The following SLC39A11 variants were observed in gnomAD, a reference collection of about 807,000 sequenced individuals.
SLC39A11 encodes the protein zinc transporter ZIP11.
In SLC39A11, 33 loss-of-function variants were observed where a neutral mutation model predicts 36.1. The ratio of observed to expected loss-of-function variants is 0.91; its 90% CI spans 0.69 to 1.22. The LOEUF (loss-of-function observed/expected upper bound fraction) is 1.22. Ranked by LOEUF, SLC39A11 falls within the 50% of genes most tolerant of loss-of-function variation. The pLI, the probability that SLC39A11 is intolerant of heterozygous loss-of-function variation, is 0.00. For synonymous variants in SLC39A11, 166 were observed against 170.3 expected (o/e 0.97, Z 0.20); for missense variants, 432 against 430.3 (o/e 1.00, Z -0.03).
At chr17:73,021,967 G>A (rs528503178) in intron 4 of SLC39A11, among the ~76,000 whole-genome samples, 6 of 152,362 alleles carry the variant, frequency 3.9e-5, no homozygotes, top group South Asian at 2.1e-4. Context: ...GCGCGTGTTC[G>A]TGCCAGACCC....
At chr17:72,712,190 G>T (rs2073131661) in intron 7 of SLC39A11, among the ~76,000 whole-genome samples, 1 of 152,212 alleles carries the variant, frequency 6.6e-6, no homozygotes, top group Non-Finnish European at 1.5e-5. Context: ...GAAAGGACTG[G>T]GTCTTCAAGA....
chr17:73,078,485 G>GT (rs374543775), intron 3 of SLC39A11, among the ~76,000 whole-genome samples: 2 of 136,264 alleles, frequency 1.5e-5, no homozygotes, highest in East Asian at 2.0e-4. Flanking sequence ...TTGTTTGTTT[G>GT]TTTTTTGTTG....
At chr17:72,851,138 GA>G (rs2079296558) in intron 5 of SLC39A11, among the ~76,000 whole-genome samples, 1 of 152,134 alleles carries the variant, frequency 6.6e-6, no homozygotes, top group Non-Finnish European at 1.5e-5. Flanking sequence ...ACGTGCCACA[GA>G]CATTCATGGG....
chr17:72,949,950 G>GACACACAC (rs67207508), intron 4 of SLC39A11, among the ~76,000 whole-genome samples: 3 of 146,148 alleles, frequency 2.1e-5, no homozygotes, highest in Non-Finnish European at 3.0e-5. Context: ...AGGCTGCTGT[G>GACACACAC]ACACACACAC....
At position 72,897,939 on chromosome 17, in the gene SLC39A11, G is replaced by A. The variant is rs1421785262; in HGVS notation, c.431-48135C>T. On this transcript the variant is annotated intron_variant, in intron 5 of 9. Transcript: ENST00000255559. ...GTGAGACCTGGAGGAAGGGGTAAAA[G>A]CAACAGGTACAGGACGGCTGGGGGA... is the stretch of plus-strand genomic sequence containing the variant. Among the ~76,000 whole-genome samples the A allele has an allele frequency of 2.0e-5, 3 of 152,212 alleles. No homozygotes were observed. The South Asian group carries it at 6.2e-4, about 32-fold the overall frequency.
chr17:72,722,574 A>G (rs1411505637), intron 7 of SLC39A11, among the ~76,000 whole-genome samples: 4 of 152,162 alleles, frequency 2.6e-5, no homozygotes, highest in Admixed American at 2.6e-4. Flanking sequence ...GGAAGACAGA[A>G]AGGACTTTGT....
intron 6 of SLC39A11, among the ~76,000 whole-genome samples, chr17:72,836,567 C>T (rs559905938): frequency 3.3e-5 from 5 of 152,182 alleles, no homozygotes; most frequent in South Asian, 2.1e-4. Context: ...TCTTGAACTC[C>T]CAGGTTCAAG....
intron 5 of SLC39A11, among the ~76,000 whole-genome samples, chr17:72,903,481 C>G (rs1339215541): frequency 6.6e-6 from 1 of 152,094 alleles, no homozygotes; most frequent in East Asian, 1.9e-4. Flanking sequence ...GTTGCTCACG[C>G]TCTGTAGTGA....
chr17:72,645,972 A>C lies in SLC39A11; in HGVS notation c.*1612T>G, dbSNP rs1387884432. ...CATCCACAACATCCCCTTTTTATTG[A>C]TATTAATCACAGTTATGAGGTCTTG... On this transcript the variant is annotated 3_prime_UTR_variant, in exon 10 of 10. Coordinates refer to ENST00000255559, the MANE Select transcript of SLC39A11 (RefSeq NM_139177.4). 6.6e-6 allele frequency: 1 copy of C among 152,632 alleles called. No homozygotes were observed. The highest frequency in any genetic ancestry group is 1.5e-5 in the Non-Finnish European group (1 of 68,034). 9.5% of individuals were successfully genotyped at this position (152,632 alleles called of 1,614,324 possible).
chr17:73,068,184 A>G, intron 3 of SLC39A11: 1 of 1,216,052 alleles, frequency 8.2e-7, no homozygotes, highest in South Asian at 1.3e-5. Flanking sequence ...GCAGTGGAAG[A>G]CGGGGGCTCC....
chr17:73,031,546 T>C lies in SLC39A11; in HGVS notation c.306+10A>G. 1.9e-6 allele frequency: 3 copies of C among 1,613,624 alleles called. No homozygotes were observed. Among genetic ancestry groups the C allele is most frequent in the Non-Finnish European group, 1.7e-6 (2 of 1,179,892 alleles). ...CCCGATACGACAGCTAAAAGTAGAGTGGTACTCACCAAGTGAGGCATCAGG... is the reference window on the plus strand; with the variant it reads ...CCCGATACGACAGCTAAAAGTAGAGCGGTACTCACCAAGTGAGGCATCAGG... On this transcript the variant is annotated intron_variant, in intron 4 of 9. Coordinates refer to ENST00000255559, the MANE Select transcript of SLC39A11 (RefSeq NM_139177.4).
intron 6 of SLC39A11, among the ~76,000 whole-genome samples, chr17:72,743,180 T>G (rs2074782559): frequency 6.6e-6 from 1 of 152,112 alleles, no homozygotes; most frequent in Admixed American, 6.6e-5. Flanking sequence ...GGGCCTGCCC[T>G]AGGTGACCCA....
chr17:72,890,577 G>A (rs1379904499), intron 5 of SLC39A11, among the ~76,000 whole-genome samples: 2 of 152,150 alleles, frequency 1.3e-5, no homozygotes, highest in South Asian at 4.1e-4. Flanking sequence ...TGAACTGGGA[G>A]AAAAAAGCTA....
chr17:72,955,770 G>T (rs1173232157), intron 4 of SLC39A11, among the ~76,000 whole-genome samples: 5 of 152,104 alleles, frequency 3.3e-5, no homozygotes, highest in Admixed American at 2.6e-4. Context: ...AGAGGGAAAT[G>T]TTGCATAATA....
chr17:72,865,251 AAC>A (rs904051111), intron 5 of SLC39A11, among the ~76,000 whole-genome samples: 1 of 152,062 alleles, frequency 6.6e-6, no homozygotes, highest in Non-Finnish European at 1.5e-5. Context: ...GAGGCCCTGG[AAC>A]ACACACACCA....
chr17:72,852,340 T>A (rs2079393883), intron 5 of SLC39A11, among the ~76,000 whole-genome samples: 1 of 151,292 alleles, frequency 6.6e-6, no homozygotes, highest in Non-Finnish European at 1.5e-5. Context: ...CAGCTCCCAA[T>A]CATTTCTCTC....
chr17:72,686,935 C>A (rs56992899), intron 7 of SLC39A11, among the ~76,000 whole-genome samples: 13,717 of 152,238 alleles, frequency 0.09, 1,079 homozygotes, highest in African/African-American at 0.21. Context: ...AAGAAATATA[C>A]AGACTCCCAA....
At chr17:72,868,932 C>T (rs1030679596) in intron 5 of SLC39A11, among the ~76,000 whole-genome samples, 1 of 152,202 alleles carries the variant, frequency 6.6e-6, no homozygotes, top group African/African-American at 2.4e-5. Context: ...TCTCTCCCTG[C>T]CTAGAGTACA....
At chr17:73,056,037 C>T (rs1415682002) in intron 3 of SLC39A11, among the ~76,000 whole-genome samples, 2 of 152,150 alleles carry the variant, frequency 1.3e-5, no homozygotes, top group Non-Finnish European at 1.5e-5. Context: ...CTATGGGGCA[C>T]AGAGGACACT....
Sources: gnomAD v4.1 joint callset for allele counts (sites outside exome capture counted in the v4.1 genomes callset) on GRCh38, gnomAD v4.1.1 for gene constraint, MANE v1.5 for transcripts, NCBI Gene and HGNC (gene_info 2026-07-23, HGNC 2026-07-21) for gene names.